The following MECOM variants were observed in gnomAD, a reference collection of about 807,000 sequenced individuals.
The protein encoded by MECOM is MDS1 and EVI1 complex locus, also known as histone-lysine N-methyltransferase MECOM.
Under a neutral mutation model 116.3 loss-of-function variants are expected in MECOM, and 13 were observed. The ratio of observed to expected loss-of-function variants is 0.11; its 90% CI spans 0.07 to 0.18. The LOEUF is 0.18. Among genes scored for constraint, MECOM ranks in the 10% least tolerant of loss-of-function variants. The probability of loss-of-function intolerance (pLI) is 1.00; values close to 1 mark genes in which losing one functional copy is unlikely to be tolerated. For synonymous variants in MECOM, 528 were observed against 535.2 expected (o/e 0.99, Z 0.19); for missense variants, 1,299 against 1,509.0 (o/e 0.86, Z 2.31).
intron 2 of MECOM, among the ~76,000 whole-genome samples, chr3:169,230,956 T>G (rs565554828): frequency 6.6e-6 from 1 of 152,166 alleles, no homozygotes; most frequent in Admixed American, 6.5e-5. Flanking sequence ...TTTTTAACTT[T>G]CACTTTTATT....
chr3:169,214,614 G>A (rs1751192204), intron 2 of MECOM, among the ~76,000 whole-genome samples: 1 of 151,584 alleles, frequency 6.6e-6, no homozygotes, highest in African/African-American at 2.4e-5. Context: ...GAAAGTAATT[G>A]ACAATGAATT....
intron 1 of MECOM, among the ~76,000 whole-genome samples, chr3:169,433,788 T>C (rs1254511793): frequency 6.6e-6 from 1 of 152,194 alleles, no homozygotes; most frequent in East Asian, 1.9e-4. Context: ...TTGTTAAAAA[T>C]GCAAATACAC....
intron 2 of MECOM, among the ~76,000 whole-genome samples, chr3:169,274,196 G>A (rs1354653086): frequency 6.6e-6 from 1 of 152,134 alleles, no homozygotes; most frequent in African/African-American, 2.4e-5. Context: ...ACAGGCATGA[G>A]GCACTGTGCC....
chr3:169,576,834 C>CAGAGAGAG (rs1279290609), intron 1 of MECOM, among the ~76,000 whole-genome samples: 52 of 92,130 alleles, frequency 5.6e-4, no homozygotes, highest in East Asian at 3.7e-3. Context: ...CACACACACA[C>CAGAGAGAG]ACACAGAGAG....
chr3:169,140,864 A>G (rs1201715684), intron 3 of MECOM, among the ~76,000 whole-genome samples: 2 of 152,060 alleles, frequency 1.3e-5, no homozygotes, highest in Non-Finnish European at 2.9e-5. Flanking sequence ...ACTTTACTTA[A>G]AAACCAAAAT....
chr3:169,388,449 AG>A (rs1733730039), intron 1 of MECOM, among the ~76,000 whole-genome samples: 1 of 152,198 alleles, frequency 6.6e-6, no homozygotes, highest in Admixed American at 6.5e-5. Flanking sequence ...TGAACTGGCC[AG>A]CAAAATCTTC....
intron 2 of MECOM, among the ~76,000 whole-genome samples, chr3:169,223,386 T>C (rs1291603177): frequency 6.7e-6 from 1 of 149,222 alleles, no homozygotes; most frequent in Non-Finnish European, 1.5e-5. Flanking sequence ...ACATGTGGTG[T>C]TTGGTTTTCT....
chr3:169,290,473 A>G (rs1298482669), intron 2 of MECOM, among the ~76,000 whole-genome samples: 4 of 152,160 alleles, frequency 2.6e-5, no homozygotes, highest in African/African-American at 7.2e-5. Flanking sequence ...TGTAGAGACC[A>G]TGAATGTGCA....
intron 2 of MECOM, among the ~76,000 whole-genome samples, chr3:169,152,444 T>G (rs1486780452): frequency 6.6e-6 from 1 of 152,152 alleles, no homozygotes; most frequent in Non-Finnish European, 1.5e-5. Flanking sequence ...ATCACATCTT[T>G]ATGTGGACAA....
At chr3:169,101,018 C>A in intron 11 of MECOM, 56 bp from the exon 12 acceptor site, 1 of 1,244,450 alleles carries the variant, frequency 8.0e-7, no homozygotes, top group South Asian at 1.3e-5. Context: ...ATATTTCACT[C>A]ATGCCACACA....
intron 2 of MECOM, among the ~76,000 whole-genome samples, chr3:169,256,770 G>A (rs1756916565): frequency 6.6e-6 from 1 of 152,178 alleles, no homozygotes; most frequent in Admixed American, 6.5e-5. Flanking sequence ...AAAGATGCCT[G>A]GGCACATCTA....
At chr3:169,215,882 A>G (rs1751365485) in intron 2 of MECOM, among the ~76,000 whole-genome samples, 1 of 152,242 alleles carries the variant, frequency 6.6e-6, no homozygotes, top group African/African-American at 2.4e-5. Flanking sequence ...ATTCCGCCTC[A>G]GCTGGCATCT....
rs1288761234 is a variant in MECOM at position 169,448,565 on chromosome 3, G to A, written c.38-67041C>T. Reference sequence around the variant, plus strand: ...TTATGGCAAGAGAGGTACTGGTAAAGCCACATTATCTTTAATCAAATATTT... The same window carrying A: ...TTATGGCAAGAGAGGTACTGGTAAAACCACATTATCTTTAATCAAATATTT... On this transcript the variant is annotated intron_variant, in intron 1 of 16. Transcript: ENST00000651503. Among the ~76,000 whole-genome samples, 3 of 152,154 alleles carry A rather than the reference G, an allele frequency of 2.0e-5. No homozygotes were observed. In the East Asian group the frequency reaches 5.8e-4, roughly 29 times the overall value.
chr3:169,575,357 G>A (rs964006239), intron 1 of MECOM, among the ~76,000 whole-genome samples: 1 of 152,096 alleles, frequency 6.6e-6, no homozygotes, highest in African/African-American at 2.4e-5. Context: ...TGCCCTGCGG[G>A]GGTAGAAATA....
chr3:169,308,877 G>T (rs981244697), intron 2 of MECOM, among the ~76,000 whole-genome samples: 1 of 152,082 alleles, frequency 6.6e-6, no homozygotes, highest in East Asian at 1.9e-4. Context: ...ACTGTACATC[G>T]ATGGACACTT....
chr3:169,253,756 A>G (rs536384233), intron 2 of MECOM, among the ~76,000 whole-genome samples: 1 of 152,138 alleles, frequency 6.6e-6, no homozygotes, highest in Non-Finnish European at 1.5e-5. Context: ...GCCATCATAT[A>G]AAGTCAACAT....
At chr3:169,633,648 G>A (rs1772358701) in intron 1 of MECOM, among the ~76,000 whole-genome samples, 1 of 152,198 alleles carries the variant, frequency 6.6e-6, no homozygotes, top group Non-Finnish European at 1.5e-5. Context: ...CCACTGGAAA[G>A]GTGGTCTCCA....
At chr3:169,147,277 A>G in intron 2 of MECOM, 1 of 985,510 alleles carries the variant, frequency 1.0e-6, no homozygotes, top group South Asian at 4.7e-5. Context: ...GGGGAGCTCT[A>G]TCCCCCTTTC....
At chr3:169,532,044 G>A (rs1158994763) in intron 1 of MECOM, among the ~76,000 whole-genome samples, 1 of 152,204 alleles carries the variant, frequency 6.6e-6, no homozygotes, top group African/African-American at 2.4e-5. Context: ...CTAAGCTCAA[G>A]TGTGATTATA....
Sources: allele counts gnomAD v4.1 joint callset (sites outside exome capture counted in the v4.1 genomes callset), GRCh38; gene constraint gnomAD v4.1.1; transcripts MANE v1.5; gene names NCBI Gene and HGNC (gene_info 2026-07-23, HGNC 2026-07-21).